LRRC28: variants seen among roughly 807,000 people sequenced by gnomAD.
LRRC28 encodes leucine-rich repeat-containing protein 28.
LRRC28 carries 39 observed loss-of-function variants against 45.7 expected under a neutral mutation model. The observed-to-expected ratio is 0.85, with a 90% CI of 0.66 to 1.12. The LOEUF is 1.12. LRRC28 is among the 50% of genes most tolerant of loss of function. LRRC28 has a pLI of 0.00. For missense variants in LRRC28, 435 were observed against 438.5 expected (o/e 0.99, Z 0.07); for synonymous variants, 206 against 178.8 (o/e 1.15, Z -1.22).
Position 99,296,276 on chromosome 15 carries a change from GC to G in LRRC28, c.385+8328del, listed in dbSNP as rs1052484663. 9.9e-5 allele frequency among the ~76,000 whole-genome samples: 15 copies of G among 152,228 alleles called. 1 individual carries two copies. The highest frequency in any genetic ancestry group is 3.6e-4 in the African/African-American group (15 of 41,456). On this transcript the variant is annotated intron_variant, in intron 5 of 9. Transcript: ENST00000301981. Reference sequence around the variant, plus strand: ...CAGGTGGCCCAGGAACACTGGGTCAGCCCTGGTTTCCTCATCACTTCCATTG... The same window carrying G: ...CAGGTGGCCCAGGAACACTGGGTCAGCCTGGTTTCCTCATCACTTCCATTG...
At chr15:99,288,774 G>A (rs1212296006) in intron 5 of LRRC28, among the ~76,000 whole-genome samples, 1 of 151,986 alleles carries the variant, frequency 6.6e-6, no homozygotes, top group Non-Finnish European at 1.5e-5. Context: ...CCGCCTCCCG[G>A]GTTCAAGTGA....
At chr15:99,309,683 A>G (rs1257387172) in intron 5 of LRRC28, among the ~76,000 whole-genome samples, 1 of 152,216 alleles carries the variant, frequency 6.6e-6, no homozygotes, top group African/African-American at 2.4e-5. Flanking sequence ...CTGGGATTAC[A>G]GGTGTGAACC....
chr15:99,288,227 T>A (rs1388067892), intron 5 of LRRC28, among the ~76,000 whole-genome samples: 1 of 152,232 alleles, frequency 6.6e-6, no homozygotes, highest in Non-Finnish European at 1.5e-5. Flanking sequence ...GCAAAATATT[T>A]GTACAAAGAG....
intron 9 of LRRC28, chr15:99,384,691 C>G (rs780264712): frequency 1.6e-4 from 25 of 152,258 alleles, no homozygotes; most frequent in Non-Finnish European, 1.6e-4. Context: ...TTCCCAATGC[C>G]TTTCCCTCCT....
chr15:99,254,455 G>A (rs2080957713), intron 1 of LRRC28, among the ~76,000 whole-genome samples: 1 of 152,154 alleles, frequency 6.6e-6, no homozygotes, highest in Non-Finnish European at 1.5e-5. Flanking sequence ...AATTCCCAGT[G>A]AAAATCACTT....
intron 5 of LRRC28, among the ~76,000 whole-genome samples, chr15:99,316,462 G>GAATAAGGA (rs1384845244): frequency 1.3e-5 from 2 of 152,138 alleles, no homozygotes; most frequent in Admixed American, 1.3e-4. Flanking sequence ...GGGAATTAGG[G>GAATAAGGA]AATAAGGAAA....
At chr15:99,358,069 CA>C (rs34605943) in intron 7 of LRRC28, among the ~76,000 whole-genome samples, 1 of 151,562 alleles carries the variant, frequency 6.6e-6, no homozygotes, top group African/African-American at 2.4e-5. Flanking sequence ...GATATGCTAC[CA>C]AAAAAAATCT....
intron 2 of LRRC28, chr15:99,257,821 C>T (rs1473525875): frequency 1.4e-5 from 11 of 778,232 alleles, no homozygotes; most frequent in Non-Finnish European, 1.9e-5. Flanking sequence ...TTAAATGCAT[C>T]ACAAATAAGA....
chr15:99,344,405 G>T (rs530379614), intron 6 of LRRC28, among the ~76,000 whole-genome samples: 2 of 152,134 alleles, frequency 1.3e-5, no homozygotes, highest in East Asian at 3.9e-4. Flanking sequence ...CTCTATATCA[G>T]ATTGTGTATT....
chr15:99,303,798 C>T (rs1403403415), intron 5 of LRRC28, among the ~76,000 whole-genome samples: 3 of 151,644 alleles, frequency 2.0e-5, no homozygotes, highest in Non-Finnish European at 4.4e-5. Context: ...CTCGCTATTG[C>T]ACTCCAGCCT....
Position 99,255,863 on chromosome 15 carries a change from C to T in LRRC28, c.-60-35C>T. Reference sequence around the variant, plus strand: ...TTATATGGCAATTCTTGTAAAAAATCTTACAATGAATAAATTTTCTCGTTC... The same window carrying T: ...TTATATGGCAATTCTTGTAAAAAATTTTACAATGAATAAATTTTCTCGTTC... On this transcript the variant is annotated intron_variant, in intron 1 of 9. Coordinates refer to ENST00000301981, the MANE Select transcript of LRRC28 (RefSeq NM_144598.5). The T allele has an allele frequency of 2.9e-6, 4 of 1,382,396 alleles. 1 individual carries two copies. The highest frequency in any genetic ancestry group is 3.9e-6 in the Non-Finnish European group (4 of 1,031,578). The allele number at this position is 1,382,396 out of a possible 1,614,324, so 85.6% of individuals were successfully genotyped here. A position where few individuals can be genotyped will look rare whatever the true frequency, so the allele number is the denominator to read the frequency against.
At chr15:99,259,826 A>C in intron 2 of LRRC28, 1 of 863,734 alleles carries the variant, frequency 1.2e-6, no homozygotes, top group Non-Finnish European at 2.0e-6. Flanking sequence ...ACTAAAGCAT[A>C]TGGAGATAGA....
At chr15:99,277,086 G>GT (rs1289023087) in intron 3 of LRRC28, among the ~76,000 whole-genome samples, 2 of 151,804 alleles carry the variant, frequency 1.3e-5, no homozygotes, top group Non-Finnish European at 2.9e-5. Flanking sequence ...TTACACCTTT[G>GT]TTTTTTTAAT....
chr15:99,259,547 T>G, intron 2 of LRRC28: 1 of 1,281,486 alleles, frequency 7.8e-7, no homozygotes, highest in Non-Finnish European at 1.1e-6. Flanking sequence ...AGAATCTCTG[T>G]GTGCTTTGGT....
At chr15:99,326,357 A>T (rs1156844857) in intron 5 of LRRC28, among the ~76,000 whole-genome samples, 1 of 152,170 alleles carries the variant, frequency 6.6e-6, no homozygotes, top group East Asian at 1.9e-4. Flanking sequence ...CAGCAAAGAG[A>T]TAATGGTGCC....
chr15:99,344,159 C>A (rs750139698), intron 6 of LRRC28, among the ~76,000 whole-genome samples: 6 of 152,138 alleles, frequency 3.9e-5, no homozygotes, highest in Non-Finnish European at 8.8e-5. Flanking sequence ...TAAGATGTAT[C>A]GAGTACCAAT....
At chr15:99,322,888 G>A (rs891823653) in intron 5 of LRRC28, among the ~76,000 whole-genome samples, 1 of 152,162 alleles carries the variant, frequency 6.6e-6, no homozygotes, top group African/African-American at 2.4e-5. Flanking sequence ...TCAACTTTGT[G>A]GAAAGAACCA....
intron 2 of LRRC28, among the ~76,000 whole-genome samples, chr15:99,262,372 A>T (rs2081222009): frequency 1.3e-5 from 2 of 152,100 alleles, no homozygotes; most frequent in Middle Eastern, 3.2e-3. Flanking sequence ...ACTTGAAGCT[A>T]GGAGTTTGAG....
chr15:99,307,491 G>C (rs1041844818), intron 5 of LRRC28, among the ~76,000 whole-genome samples: 3 of 152,200 alleles, frequency 2.0e-5, no homozygotes, highest in African/African-American at 7.2e-5. Flanking sequence ...ATCTGAATAA[G>C]GCAGATAGAT....
Sources: gnomAD v4.1 joint callset for allele counts (sites outside exome capture counted in the v4.1 genomes callset) on GRCh38, gnomAD v4.1.1 for gene constraint, MANE v1.5 for transcripts, NCBI Gene and HGNC (gene_info 2026-07-23, HGNC 2026-07-21) for gene names.